ERI3: variants seen among roughly 807,000 people sequenced by gnomAD.
ERI3 encodes ERI1 exoribonuclease 3.
Under a neutral mutation model 44.4 loss-of-function variants are expected in ERI3, and 18 were observed. That is an observed-to-expected ratio of 0.41 (90% CI 0.28 to 0.60). ERI3 has a LOEUF of 0.60. Among genes scored for constraint, ERI3 ranks in the 20% least tolerant of loss-of-function variants. The pLI, the probability that ERI3 is intolerant of heterozygous loss-of-function variation, is 0.36. For synonymous variants in ERI3, 183 were observed against 164.8 expected, an observed-to-expected ratio of 1.11 and a Z score of -0.84; for missense variants, 294 against 435.5, an observed-to-expected ratio of 0.68 and a Z score of 2.89.
In ERI3 at chr1:44,341,666, T is replaced by C. The variant is rs116926629; in HGVS notation, c.212-2344A>G. Among the ~76,000 whole-genome samples, 23 of 152,240 alleles carry C rather than the reference T, an allele frequency of 1.5e-4. No homozygotes were observed. The East Asian group carries it at 4.4e-3, about 29-fold the overall frequency. On this transcript the variant is annotated intron_variant, in intron 2 of 8. Coordinates refer to ENST00000372257, the MANE Select transcript of ERI3 (RefSeq NM_024066.3). ...CTGTGGGAGGCTGAGGCAGAAGTAT[T>C]GCTTGAGCCCAGGAGTTCGAAACCA...
chr1:44,328,889 C>T (rs1198219908), intron 3 of ERI3, among the ~76,000 whole-genome samples: 1 of 152,208 alleles, frequency 6.6e-6, no homozygotes, highest in Admixed American at 6.5e-5. Flanking sequence ...TAGCTCTTAT[C>T]ACCAGACATT....
In ERI3 at chr1:44,259,920, T is replaced by TAGATAGATAGATAGAC. The variant is rs778936296; in HGVS notation, c.832-11883_832-11882insGTCTATCTATCTATCT. 2.4e-3 allele frequency among the ~76,000 whole-genome samples: 309 copies of TAGATAGATAGATAGAC among 129,708 alleles called. 3 individuals are homozygous for TAGATAGATAGATAGAC. Among genetic ancestry groups the TAGATAGATAGATAGAC allele is most frequent in the Middle Eastern group, 4.0e-3 (1 of 250 alleles). 85.1% of individuals were successfully genotyped at this position (129,708 alleles called of 152,430 possible). On this transcript the variant is annotated intron_variant, in intron 7 of 8. Transcript: ENST00000372257. ...ATAGATAGATAGATAGATAGATAGATAGACAGACAGACAGACAGACAGACA... is the reference window on the plus strand; with the variant it reads ...ATAGATAGATAGATAGATAGATAGATAGATAGATAGATAGACAGACAGACAGACAGACAGACAGACA...
Position 44,321,287 on chromosome 1 carries a change from C to T in ERI3, c.490-1543G>A, listed in dbSNP as rs1415938153. ...GGTTGCCTTGTCTCCGTGGGCTGAT[C>T]TCCAAAGATGAGGAAGCTGACAGGA... On this transcript the variant is annotated intron_variant, in intron 3 of 8. Coordinates refer to ENST00000372257, the MANE Select transcript of ERI3 (RefSeq NM_024066.3). Among the ~76,000 whole-genome samples the T allele has an allele frequency of 5.9e-5, 9 of 152,276 alleles. No individual in the cohort carries two copies. In the East Asian group the frequency reaches 1.7e-3, roughly 29 times the overall value.
intron 8 of ERI3, among the ~76,000 whole-genome samples, chr1:44,231,909 T>G (rs1644193444): frequency 6.6e-6 from 1 of 152,210 alleles, no homozygotes; most frequent in Non-Finnish European, 1.5e-5. Context: ...CTTTATATTC[T>G]GCTGGATGTT....
chr1:44,306,571 G>T (rs921205492), intron 6 of ERI3, among the ~76,000 whole-genome samples: 4 of 152,206 alleles, frequency 2.6e-5, no homozygotes, highest in Non-Finnish European at 4.4e-5. Context: ...CTACAGAACA[G>T]GTCAGACCAA....
At chr1:44,270,872 T>C (rs1645075810) in intron 7 of ERI3, among the ~76,000 whole-genome samples, 1 of 152,240 alleles carries the variant, frequency 6.6e-6, no homozygotes, top group Non-Finnish European at 1.5e-5. Flanking sequence ...CAAGGCAGGC[T>C]AGCTCTCCAG....
At chr1:44,354,715 T>C in intron 1 of ERI3, 177 bp downstream of exon 1, 1 of 985,426 alleles carries the variant, frequency 1.0e-6, no homozygotes, top group Non-Finnish European at 1.2e-6. Context: ...CCATCCTGTC[T>C]TGCAAAGCTC....
chr1:44,299,221 T>C (rs1645673820), intron 6 of ERI3, among the ~76,000 whole-genome samples: 1 of 152,088 alleles, frequency 6.6e-6, no homozygotes, highest in Admixed American at 6.6e-5. Flanking sequence ...CTTACTCTGT[T>C]GTCCAGGCTG....
chr1:44,284,685 A>G (rs1645355205), intron 7 of ERI3, 150 bp downstream of exon 7: 3 of 631,830 alleles, frequency 4.7e-6, no homozygotes, highest in East Asian at 2.8e-5. Context: ...ATTTCAGTGC[A>G]TATTAGCTAA....
chr1:44,295,907 G>A (rs1645600592), intron 6 of ERI3, among the ~76,000 whole-genome samples: 1 of 152,226 alleles, frequency 6.6e-6, no homozygotes, highest in Admixed American at 6.5e-5. Flanking sequence ...CCTGTAGCCT[G>A]TAAAGGAATC....
chr1:44,259,106 C>T (rs1778906), intron 7 of ERI3, among the ~76,000 whole-genome samples: 64,727 of 152,018 alleles, frequency 0.43, 15,652 homozygotes, highest in African/African-American at 0.67. Context: ...CAGAGCACAA[C>T]ACTGTCCTCA....
intron 3 of ERI3, among the ~76,000 whole-genome samples, chr1:44,327,544 T>C (rs980150676): frequency 2.6e-5 from 4 of 152,234 alleles, no homozygotes; most frequent in Admixed American, 6.5e-5. Context: ...ACTTTGCCAA[T>C]AAGGCAACTG....
chr1:44,246,934 G>T (rs555883837), intron 8 of ERI3, among the ~76,000 whole-genome samples: 2 of 152,248 alleles, frequency 1.3e-5, no homozygotes, highest in African/African-American at 4.8e-5. Context: ...ACAGGTTGTG[G>T]TAATGTCAGC....
At chr1:44,259,064 T>G (rs16831807) in intron 7 of ERI3, among the ~76,000 whole-genome samples, 5,374 of 152,242 alleles carry the variant, frequency 0.035, 314 homozygotes, top group African/African-American at 0.12. Context: ...GAGAGCCTAT[T>G]ACATGCCAGG....
At position 44,235,541 on chromosome 1, in the gene ERI3, AGAAG is replaced by A. The variant is rs923965617; in HGVS notation, c.931+12394_931+12397del. Among the ~76,000 whole-genome samples, 55 of 152,286 alleles carry A rather than the reference AGAAG, an allele frequency of 3.6e-4. No individual in the cohort carries two copies. The highest frequency in any genetic ancestry group is 1.3e-3 in the African/African-American group (53 of 41,560). The stretch of plus-strand genomic sequence containing the variant: ...GACACTCAAGAAATACATACTGAAA[AGAAG>A]GAAGGAAGGACTAGAGGAAAAGAAA... On this transcript the variant is annotated intron_variant, in intron 8 of 8. Transcript: ENST00000372257. This position sits in a 1 kb window ranked among gnomAD's most constrained non-coding sequence, Gnocchi z 4.6.
At chr1:44,323,595 G>A (rs1646247383) in intron 3 of ERI3, among the ~76,000 whole-genome samples, 1 of 152,232 alleles carries the variant, frequency 6.6e-6, no homozygotes, top group East Asian at 1.9e-4. Flanking sequence ...GGCAAAGGGT[G>A]AAGAGGAGCT....
chr1:44,256,073 G>A (rs186990855), intron 7 of ERI3, among the ~76,000 whole-genome samples: 28 of 152,248 alleles, frequency 1.8e-4, no homozygotes, highest in African/African-American at 6.7e-4. Flanking sequence ...TGAGGGGGTT[G>A]GGGGGTTGTA....
chr1:44,296,345 G>A (rs532391518), intron 6 of ERI3, among the ~76,000 whole-genome samples: 4 of 152,302 alleles, frequency 2.6e-5, no homozygotes, highest in South Asian at 2.1e-4. Context: ...GGGAGGGGGC[G>A]AGCGAGGGAG....
At chr1:44,245,338 G>C (rs1205249810) in intron 8 of ERI3, among the ~76,000 whole-genome samples, 1 of 152,096 alleles carries the variant, frequency 6.6e-6, no homozygotes, top group Non-Finnish European at 1.5e-5. Context: ...AGGTGGCAGG[G>C]CAGCCCTCTT....
Sources: gnomAD v4.1 joint callset for allele counts (sites outside exome capture counted in the v4.1 genomes callset) on GRCh38, gnomAD v4.1.1 for gene constraint, Gnocchi (gnomAD v3.1) non-coding constraint, MANE v1.5 for transcripts, NCBI Gene and HGNC (gene_info 2026-07-23, HGNC 2026-07-21) for gene names.